ADAM7: variants seen among roughly 807,000 people sequenced by gnomAD.
ADAM7 encodes the protein ADAM metallopeptidase domain 7.
In ADAM7, 97 loss-of-function variants were observed where a neutral mutation model predicts 102.9. The observed-to-expected ratio is 0.94, with a 90% CI of 0.80 to 1.12. The LOEUF is 1.12. ADAM7 is among the 50% of genes most tolerant of loss of function. The pLI, the probability that ADAM7 is intolerant of heterozygous loss-of-function variation, is 0.00. For synonymous variants in ADAM7, 334 were observed against 304.4 expected, an observed-to-expected ratio of 1.10 and a Z score of -1.01; for missense variants, 991 against 908.7, an observed-to-expected ratio of 1.09 and a Z score of -1.16.
At chr8:24,494,028 A>T (rs893058940) in intron 16 of ADAM7, among the ~76,000 whole-genome samples, 2 of 152,172 alleles carry the variant, frequency 1.3e-5, no homozygotes, top group African/African-American at 4.8e-5. Context: ...GCTCATAAAG[A>T]ATATATGGAA....
At chr8:24,460,765 G>GTA (rs1819212734) in intron 3 of ADAM7, among the ~76,000 whole-genome samples, 1 of 149,212 alleles carries the variant, frequency 6.7e-6, no homozygotes, top group African/African-American at 2.5e-5. Context: ...GTGTGTGTGT[G>GTA]TGTATATATA....
At chr8:24,447,027 T>A (rs765305011) in intron 2 of ADAM7, among the ~76,000 whole-genome samples, 159 bp from the exon 3 acceptor site, 2 of 151,876 alleles carry the variant, frequency 1.3e-5, no homozygotes, top group Non-Finnish European at 1.5e-5. Flanking sequence ...CCTTCTAATA[T>A]TAGCTCTCTT....
At position 24,466,891 on chromosome 8, in the gene ADAM7, G is replaced by C. The variant is rs201646264; in HGVS notation, c.482G>C (p.Arg161Thr). 6.2e-7 allele frequency: 1 copy of C among 1,614,030 alleles called. No individual in the cohort carries two copies. The highest frequency in any genetic ancestry group is 2.2e-5 in the East Asian group (1 of 44,866). ...GEHLVFKYNLRVPYGANYSCT... is the reference protein window; with the variant it reads ...GEHLVFKYNLTVPYGANYSCT... The stretch of plus-strand genomic sequence containing the variant: ...CATTTGGTGTTCAAATATAACCTGA[G>C]GGTGCCGTATGGTGCCAATTATTCC... The change falls in exon 6 of 22, where the codon AGG becomes ACG. Residue 161 changes from arginine to threonine, a missense_variant. Physicochemically the swap from Arg to Thr is moderately conservative, Grantham distance 71. Coordinates refer to ENST00000175238, the MANE Select transcript of ADAM7 (RefSeq NM_003817.4).
rs115388885 is a variant in ADAM7 at position 24,441,781 on chromosome 8, A to G, written c.52+621A>G. Among the ~76,000 whole-genome samples the G allele has an allele frequency of 6.0e-3, 908 of 152,312 alleles. 8 individuals are homozygous for G. The highest frequency in any genetic ancestry group is 0.019 in the African/African-American group (795 of 41,570). ...GAAAGGTAAGACTTTAAATGCAAACATCCCTGGAAGACCAAATTCAGTAAT... is the reference window on the plus strand; with the variant it reads ...GAAAGGTAAGACTTTAAATGCAAACGTCCCTGGAAGACCAAATTCAGTAAT... On this transcript the variant is annotated intron_variant, in intron 1 of 21. Transcript: ENST00000175238.
chr8:24,493,870 T>G (rs1820463156), intron 16 of ADAM7, among the ~76,000 whole-genome samples: 2 of 152,174 alleles, frequency 1.3e-5, no homozygotes, highest in South Asian at 4.1e-4. Flanking sequence ...TATGGCATAA[T>G]TCAGATGACC....
rs996736034 is a variant in ADAM7 at position 24,467,006 on chromosome 8, A to T, written c.579+18A>T. ...AAATAAAAGTGAGTACTTTATTATTATCTTTACCCCAAATGAAACACCTTT... is the reference window on the plus strand; with the variant it reads ...AAATAAAAGTGAGTACTTTATTATTTTCTTTACCCCAAATGAAACACCTTT... On this transcript the variant is annotated intron_variant, in intron 6 of 21. Coordinates refer to ENST00000175238, the MANE Select transcript of ADAM7 (RefSeq NM_003817.4). The T allele has an allele frequency of 2.5e-6, 4 of 1,592,260 alleles. No homozygotes were observed. Among genetic ancestry groups the T allele is most frequent in the Non-Finnish European group, 3.4e-6 (4 of 1,163,570 alleles).
rs571070430 is a variant in ADAM7, at chr8:24,493,201, C to T, written c.1814C>T (p.Ala605Val). The T allele has an allele frequency of 1.9e-5, 31 of 1,607,066 alleles. No homozygotes were observed. The East Asian group carries it at 2.0e-4, about 10-fold the overall frequency. Reference protein sequence around the residue: ...YHDSTDIGLVASGTKCGEGMV... With the variant: ...YHDSTDIGLVVSGTKCGEGMV... Reference sequence around the variant, plus strand: ...GATTCTACAGACATTGGCCTGGTGGCGTCAGGAACAAAATGTGGAGAGGGA... The same window carrying T: ...GATTCTACAGACATTGGCCTGGTGGTGTCAGGAACAAAATGTGGAGAGGGA... Residue 605 changes from alanine (A) to valine (V), a missense_variant, in exon 16 of 22, where the codon GCG becomes GTG. Physicochemically the swap from Ala to Val is moderately conservative, Grantham distance 64. Coordinates refer to ENST00000175238, the MANE Select transcript of ADAM7 (RefSeq NM_003817.4).
At chr8:24,480,236 A>C (rs2129387683) in intron 8 of ADAM7, among the ~76,000 whole-genome samples, 1 of 152,304 alleles carries the variant, frequency 6.6e-6, no homozygotes, top group Middle Eastern at 3.4e-3. Flanking sequence ...AAATTGTTGC[A>C]TATTGCTGAA....
At chr8:24,456,646 T>C (rs919977575) in intron 3 of ADAM7, among the ~76,000 whole-genome samples, 27 of 152,092 alleles carry the variant, frequency 1.8e-4, no homozygotes, top group African/African-American at 6.5e-4. Context: ...TTTTTTTTTT[T>C]TTTTGCCGTA....
At chr8:24,499,110 T>A (rs1159899759) in intron 16 of ADAM7, 126 bp from the exon 17 acceptor site, 3 of 661,100 alleles carry the variant, frequency 4.5e-6, no homozygotes, top group Non-Finnish European at 7.3e-6. Context: ...AATTAAATCA[T>A]GTAAATTGAA....
At chr8:24,501,412 A>G (rs751649738) in intron 19 of ADAM7, 65 bp from the exon 20 acceptor site, 30 of 1,200,264 alleles carry the variant, frequency 2.5e-5, no homozygotes, top group Non-Finnish European at 3.6e-5. Context: ...CTTACTCATG[A>G]AGAAATAAAT....
chr8:24,450,883 C>A (rs1000062055), intron 3 of ADAM7, among the ~76,000 whole-genome samples: 2 of 152,214 alleles, frequency 1.3e-5, no homozygotes, highest in East Asian at 1.9e-4. Flanking sequence ...TTGTCAGAGG[C>A]CTTTTCTGCA....
At chr8:24,498,076 T>C (rs1820620637) in intron 16 of ADAM7, among the ~76,000 whole-genome samples, 1 of 151,948 alleles carries the variant, frequency 6.6e-6, no homozygotes, top group Admixed American at 6.6e-5. Flanking sequence ...CAAGAACGTA[T>C]TCCAGCCAAG....
At chr8:24,468,686 A>C (rs1294311433) in intron 6 of ADAM7, 81 bp from the exon 7 acceptor site, 3 of 1,243,130 alleles carry the variant, frequency 2.4e-6, no homozygotes, top group Non-Finnish European at 3.5e-6. Context: ...CCTTGAAAAT[A>C]CTAGGATTTT....
At chr8:24,501,872 G>A (rs1820773467) in intron 20 of ADAM7, among the ~76,000 whole-genome samples, 1 of 151,914 alleles carries the variant, frequency 6.6e-6, no homozygotes, top group South Asian at 2.1e-4. Flanking sequence ...ACCACATGAT[G>A]GGCCATAAAG....
intron 20 of ADAM7, chr8:24,506,095 G>T: frequency 4.5e-6 from 7 of 1,549,552 alleles, no homozygotes; most frequent in Non-Finnish European, 6.1e-6. Context: ...TACTAGCAGA[G>T]AACTCCAGAA....
chr8:24,481,498 C>G (rs1819950438), intron 8 of ADAM7, among the ~76,000 whole-genome samples: 1 of 152,044 alleles, frequency 6.6e-6, no homozygotes, highest in South Asian at 2.1e-4. Flanking sequence ...TCTCAAAATT[C>G]CCATAATAAC....
intron 12 of ADAM7, 60 bp from the exon 13 acceptor site, chr8:24,490,739 C>A: frequency 1.3e-5 from 19 of 1,518,000 alleles, no homozygotes; most frequent in Non-Finnish European, 1.7e-5. Flanking sequence ...CTAATTAATT[C>A]TTCAAACAGG....
intron 3 of ADAM7, among the ~76,000 whole-genome samples, chr8:24,450,398 T>C (rs1818736671): frequency 6.6e-6 from 1 of 152,302 alleles, no homozygotes; most frequent in South Asian, 2.1e-4. Context: ...AGGTATTTTA[T>C]TCTCTTTGAA....
Sources: allele counts gnomAD v4.1 joint callset (sites outside exome capture counted in the v4.1 genomes callset), GRCh38; gene constraint gnomAD v4.1.1; transcripts MANE v1.5; gene names NCBI Gene and HGNC (gene_info 2026-07-23, HGNC 2026-07-21).